The following CCDC97 variants were observed in gnomAD, a reference collection of about 807,000 sequenced individuals.
CCDC97 encodes coiled-coil domain containing 97.
Under a neutral mutation model 33.9 loss-of-function variants are expected in CCDC97, and 27 were observed. The observed-to-expected ratio is 0.80, with a 90% CI of 0.59 to 1.10. The LOEUF (loss-of-function observed/expected upper bound fraction) is 1.10, where lower values mean the gene tolerates loss of function less well. CCDC97 is among the 50% of genes least tolerant of loss of function. The pLI, the probability that CCDC97 is intolerant of heterozygous loss-of-function variation, is 0.00. For synonymous variants in CCDC97, 217 were observed against 194.0 expected, an observed-to-expected ratio of 1.12 and a Z score of -0.99; for missense variants, 422 against 476.6, an observed-to-expected ratio of 0.89 and a Z score of 1.07.
intron 1 of CCDC97, among the ~76,000 whole-genome samples, chr19:41,311,451 G>A (rs1447692597): frequency 6.6e-6 from 1 of 151,856 alleles, no homozygotes; most frequent in Non-Finnish European, 1.5e-5. Flanking sequence ...TAAAAATTAA[G>A]GCCGGGCCCG....
At chr19:41,319,211 G>C (rs2037785637) in intron 2 of CCDC97, among the ~76,000 whole-genome samples, 1 of 152,234 alleles carries the variant, frequency 6.6e-6, no homozygotes, top group African/African-American at 2.4e-5. Context: ...ATGAATACAT[G>C]AATACACAGG....
In CCDC97 at chr19:41,322,759, C is replaced by T. The variant is rs2037838218; in HGVS notation, c.*44C>T. 1.2e-6 allele frequency: 2 copies of T among 1,601,204 alleles called. No individual in the cohort carries two copies. Among genetic ancestry groups the T allele is most frequent in the Non-Finnish European group, 8.5e-7 (1 of 1,172,950 alleles). The stretch of plus-strand genomic sequence containing the variant: ...CCGCCTGCCCCATCCCCATCCCCAA[C>T]AAGGCAGCTGATTCCAGGCCTGCTC... On this transcript the variant is annotated 3_prime_UTR_variant, in exon 5 of 5. Transcript: ENST00000269967.
Position 41,317,403 on chromosome 19 carries a change from G to A in CCDC97, c.502+564G>A, listed in dbSNP as rs147382496. 2.0e-3 allele frequency among the ~76,000 whole-genome samples: 304 copies of A among 152,300 alleles called. 2 individuals carry two copies. The highest frequency in any genetic ancestry group is 5.9e-3 in the African/African-American group (245 of 41,572). ...GAGTTAAGTTGCCGTTAGGGAGAAG[G>A]CACAAGTTATAGAGAGGTTCACAGA... On this transcript the variant is annotated intron_variant, in intron 2 of 4. Transcript: ENST00000269967.
chr19:41,316,308 A>G (rs2037744610), intron 1 of CCDC97, 76 bp from the exon 2 acceptor site: 2 of 1,155,490 alleles, frequency 1.7e-6, no homozygotes, highest in Non-Finnish European at 2.5e-6. Context: ...AGTAAATGTG[A>G]GCTGAGTGAG....
chr19:41,319,839 C>T lies in CCDC97; in HGVS notation c.768C>T (p.Asp256=). The change falls in exon 3 of 5, where the codon GAC becomes GAT. Residue 256 remains aspartate (D), a synonymous_variant. Transcript: ENST00000269967. ...ACLEEEEEEE[D]SDEEDQRSGK... ...TGGAGGAAGAGGAAGAGGAGGAGGA[C>T]AGTGACGAGGAAGGTGAGGGCCAGT... 6.6e-7 allele frequency: 1 copy of T among 1,522,776 alleles called. No individual in the cohort carries two copies. The highest frequency in any genetic ancestry group is 9.0e-7 in the Non-Finnish European group (1 of 1,110,668). 94.3% of individuals were successfully genotyped at this position (1,522,776 alleles called of 1,614,324 possible). A position where few individuals can be genotyped will look rare whatever the true frequency, so the allele number is the denominator to read the frequency against.
At chr19:41,320,241 C>T (rs1384100240) in intron 3 of CCDC97, 100 bp from the exon 4 acceptor site, 15 of 1,520,494 alleles carry the variant, frequency 9.9e-6, no homozygotes, top group Middle Eastern at 4.8e-4. Flanking sequence ...AGCCACCCAG[C>T]GCAAGGCTGG....
rs910227618 is a variant in CCDC97 at position 41,324,702 on chromosome 19, C to G, written c.*1987C>G. On this transcript the variant is annotated 3_prime_UTR_variant, in exon 5 of 5. Coordinates refer to ENST00000269967, the MANE Select transcript of CCDC97 (RefSeq NM_052848.3). ...AGACTCCAGGACCTTGGGGTCATAT[C>G]TCTCAGAAAGCCAAGAGTGCAGGAT... The G allele has an allele frequency of 6.6e-6, 1 of 152,218 alleles. No individual in the cohort carries two copies. Among genetic ancestry groups the G allele is most frequent in the African/African-American group, 2.4e-5 (1 of 41,436 alleles). 9.4% of individuals were successfully genotyped at this position (152,218 alleles called of 1,614,324 possible).
chr19:41,313,139 T>C (rs1317067099), intron 1 of CCDC97, among the ~76,000 whole-genome samples: 1 of 151,996 alleles, frequency 6.6e-6, no homozygotes. Flanking sequence ...GCACAGCCAG[T>C]TTTTAGCTTC....
chr19:41,313,490 C>A (rs975810837), intron 1 of CCDC97, among the ~76,000 whole-genome samples: 1 of 152,200 alleles, frequency 6.6e-6, no homozygotes, highest in African/African-American at 2.4e-5. Context: ...TTGTCCAGCT[C>A]AGTCTTCAGC....
chr19:41,322,866 T>C lies in CCDC97; in HGVS notation c.*151T>C. 1 of 791,666 alleles carries C rather than the reference T, an allele frequency of 1.3e-6. No homozygotes were observed. 49.0% of individuals were successfully genotyped at this position (791,666 alleles called of 1,614,324 possible). On this transcript the variant is annotated 3_prime_UTR_variant, in exon 5 of 5. Coordinates refer to ENST00000269967, the MANE Select transcript of CCDC97 (RefSeq NM_052848.3). ...CCATCTCACTGGGTCTAGTCTCATC[T>C]CAGACAACCCCCACCCCCACTGTTT...
chr19:41,319,699 C>T lies in CCDC97; in HGVS notation c.628C>T (p.Pro210Ser). 1.9e-6 allele frequency: 3 copies of T among 1,613,922 alleles called. No individual in the cohort carries two copies. Among genetic ancestry groups the T allele is most frequent in the Non-Finnish European group, 2.5e-6 (3 of 1,179,838 alleles). ...ARTPTHQPPK[P>S]GSPGRPACPL... ...CACCCCAACCCACCAGCCCCCCAAG[C>T]CCGGGTCCCCCGGGAGACCTGCTTG... Residue 210 changes from proline (P) to serine (S), a missense_variant, in exon 3 of 5, where the codon CCC (proline) becomes TCC (serine). By Grantham distance (74) the Pro-to-Ser change is moderately conservative. Transcript: ENST00000269967.
Position 41,322,972 on chromosome 19 carries a change from CT to C in CCDC97, c.*260del, listed in dbSNP as rs1346268665. 3.2e-6 allele frequency: 1 copy of C among 307,696 alleles called. No individual in the cohort carries two copies. The highest frequency in any genetic ancestry group is 6.2e-6 in the Non-Finnish European group (1 of 161,726). The allele number at this position is 307,696 out of a possible 1,614,324, so 19.1% of individuals were successfully genotyped here. On this transcript the variant is annotated 3_prime_UTR_variant, in exon 5 of 5. Coordinates refer to ENST00000269967, the MANE Select transcript of CCDC97 (RefSeq NM_052848.3). ...TGTCTGTCTGGGCTTCTTTCTGTCT[CT>C]TTCTGTCTTTCTGTCTCTCTCCCTA...
At chr19:41,315,067 C>T (rs997099082) in intron 1 of CCDC97, among the ~76,000 whole-genome samples, 3 of 150,456 alleles carry the variant, frequency 2.0e-5, no homozygotes, top group Non-Finnish European at 4.4e-5. Context: ...TTTGGGAGGC[C>T]GAGGCGGGTG....
At chr19:41,318,970 GAC>G (rs749508863) in intron 2 of CCDC97, among the ~76,000 whole-genome samples, 8 of 152,188 alleles carry the variant, frequency 5.3e-5, no homozygotes, top group African/African-American at 1.9e-4. Flanking sequence ...ACAACCTAGA[GAC>G]ACACAACTTC....
chr19:41,319,788 A>G lies in CCDC97; in HGVS notation c.717A>G (p.Gln239=). 1.9e-6 allele frequency: 3 copies of G among 1,611,414 alleles called. No individual in the cohort carries two copies. The South Asian group carries it at 3.3e-5, about 18-fold the overall frequency. The part of the protein sequence containing the change: ...EERELQQRLL[Q]QQEEEEACLE... ...GGGAGCTACAGCAGCGTCTGCTCCA[A>G]CAGCAGGAGGAGGAGGAGGCCTGCT... Residue 239 remains glutamine, a synonymous_variant, in exon 3 of 5, where the codon CAA becomes CAG. Transcript: ENST00000269967.
At chr19:41,320,673 C>T (rs2037814852) in intron 4 of CCDC97, 1 of 582,832 alleles carries the variant, frequency 1.7e-6, no homozygotes, top group Non-Finnish European at 3.0e-6. Flanking sequence ...CCCTCAGTCT[C>T]CTCACCTCTA....
rs764482606 is a variant in CCDC97 at position 41,319,556 on chromosome 19, T to G, written c.503-18T>G. 2.4e-5 allele frequency: 37 copies of G among 1,561,338 alleles called. No homozygotes were observed. The highest frequency in any genetic ancestry group is 3.1e-5 in the Non-Finnish European group (35 of 1,145,386). On this transcript the variant is annotated intron_variant, in intron 2 of 4. Coordinates refer to ENST00000269967, the MANE Select transcript of CCDC97 (RefSeq NM_052848.3). ...TCAGTCGCTCACCCCATGCCCACCC[T>G]GTCTCTCCTCTGTGCAGGGGGCGAG...
chr19:41,314,831 C>A (rs1012554539), intron 1 of CCDC97, among the ~76,000 whole-genome samples: 1 of 152,072 alleles, frequency 6.6e-6, no homozygotes, highest in African/African-American at 2.4e-5. Flanking sequence ...AAGACCCTGT[C>A]TCTACCAAAA....
At chr19:41,319,230 G>A (rs1204128848) in intron 2 of CCDC97, among the ~76,000 whole-genome samples, 1 of 152,238 alleles carries the variant, frequency 6.6e-6, no homozygotes, top group Non-Finnish European at 1.5e-5. Context: ...GGAAGATAGA[G>A]GCCGGGCCAC....
Sources: gnomAD v4.1 joint callset for allele counts (sites outside exome capture counted in the v4.1 genomes callset) on GRCh38, gnomAD v4.1.1 for gene constraint, MANE v1.5 for transcripts, NCBI Gene and HGNC (gene_info 2026-07-23, HGNC 2026-07-21) for gene names.